Variants in XRRA1 observed in about 807,000 individuals in gnomAD.
The protein encoded by XRRA1 is X-ray radiation resistance-associated protein 1.
Under a neutral mutation model 80.2 loss-of-function variants are expected in XRRA1, and 69 were observed. The ratio of observed to expected loss-of-function variants is 0.86; its 90% CI spans 0.71 to 1.05. The LOEUF is 1.05. XRRA1 is among the 50% of genes least tolerant of loss of function. The pLI, the probability that XRRA1 is intolerant of heterozygous loss-of-function variation, is 0.00. For synonymous variants in XRRA1, 348 were observed against 389.9 expected (o/e 0.89, Z 1.27); for missense variants, 967 against 976.4 (o/e 0.99, Z 0.13).
rs1443443451 is a variant in XRRA1, at chr11:74,940,798, G to A, written c.81C>T (p.Arg27=). 7 of 1,606,084 alleles carry A rather than the reference G, an allele frequency of 4.4e-6. No individual in the cohort carries two copies. In the African/African-American group the frequency reaches 5.3e-5, roughly 12 times the overall value. The change falls in exon 3 of 19, where the codon CGC becomes CGT. Residue 27 remains arginine, a synonymous_variant. Transcript: ENST00000684022. ...AAGTCACCTGACCTTCCTCCGGCAC[G>A]CGAAGCAGATTTCTGGCTGGGAAGC... ...NNCFPARNLL[R]VPEEGQGHWL...
At position 74,844,290 on chromosome 11, in the gene XRRA1, C is replaced by T. The variant is rs1243976006; in HGVS notation, c.1928-7G>A. ...TGTGCATTCTTCTGGATTCCTAGGG[C>T]AAGAAGGCAAGACTGAGTCAAGGCA... On this transcript the variant is annotated splice_polypyrimidine_tract_variant and splice_region_variant and intron_variant, in intron 16 of 18. Coordinates refer to ENST00000684022, the MANE Select transcript of XRRA1 (RefSeq NM_001378157.1). The T allele has an allele frequency of 6.2e-7, 1 of 1,608,890 alleles. No homozygotes were observed. Among genetic ancestry groups the T allele is most frequent in the Non-Finnish European group, 8.5e-7 (1 of 1,177,042 alleles).
chr11:74,869,900 C>A (rs1459568573), intron 10 of XRRA1, among the ~76,000 whole-genome samples: 1 of 152,176 alleles, frequency 6.6e-6, no homozygotes, highest in African/African-American at 2.4e-5. Context: ...CTCTTAACCT[C>A]ACTCTTTGTG....
chr11:74,923,257 G>A (rs1202241031), intron 7 of XRRA1, among the ~76,000 whole-genome samples: 1 of 152,210 alleles, frequency 6.6e-6, no homozygotes, highest in Non-Finnish European at 1.5e-5. Flanking sequence ...ACCATGAATA[G>A]TTTGGGTATG....
intron 2 of XRRA1, among the ~76,000 whole-genome samples, chr11:74,943,534 T>G (rs1333982296): frequency 1.6e-5 from 1 of 62,128 alleles, no homozygotes; most frequent in African/African-American, 3.9e-5. Context: ...GGTGTGTGTG[T>G]GTGTGTGTGT....
At chr11:74,922,478 T>G (rs924140080) in intron 7 of XRRA1, among the ~76,000 whole-genome samples, 2 of 152,220 alleles carry the variant, frequency 1.3e-5, no homozygotes, top group Middle Eastern at 3.4e-3. Context: ...TTGTTCTCCT[T>G]CTCCTAAGCC....
At chr11:74,889,762 T>G (rs957872689) in intron 10 of XRRA1, among the ~76,000 whole-genome samples, 2 of 152,128 alleles carry the variant, frequency 1.3e-5, no homozygotes, top group Non-Finnish European at 1.5e-5. Context: ...TTCTAGTCTC[T>G]GATAAAACAG....
At chr11:74,939,281 G>A (rs1945788150) in intron 3 of XRRA1, among the ~76,000 whole-genome samples, 1 of 152,204 alleles carries the variant, frequency 6.6e-6, no homozygotes, top group Non-Finnish European at 1.5e-5. Context: ...GAACCTGGGA[G>A]GTGAAGGTTG....
chr11:74,846,150 T>C (rs2038080720), intron 15 of XRRA1: 1 of 152,122 alleles, frequency 6.6e-6, no homozygotes, highest in Non-Finnish European at 1.5e-5. Context: ...AGTAGTGGGA[T>C]GGTGCCTGTG....
chr11:74,866,500 C>T (rs113115107), intron 10 of XRRA1, among the ~76,000 whole-genome samples: 77 of 152,242 alleles, frequency 5.1e-4, no homozygotes, highest in African/African-American at 1.8e-3. Flanking sequence ...AAGCAATCTT[C>T]CTACTTCAGC....
intron 10 of XRRA1, among the ~76,000 whole-genome samples, chr11:74,882,114 G>T (rs868569593): frequency 2.6e-5 from 4 of 152,004 alleles, no homozygotes. Flanking sequence ...TTCCAACTTG[G>T]TTCCATTCTC....
At chr11:74,948,084 C>T (rs528075793) in intron 1 of XRRA1, among the ~76,000 whole-genome samples, 1 of 152,168 alleles carries the variant, frequency 6.6e-6, no homozygotes, top group East Asian at 1.9e-4. Flanking sequence ...AGGGATATAT[C>T]CCTGGTGACT....
In XRRA1 at chr11:74,881,267, C is replaced by A. The variant is rs969713892; in HGVS notation, c.1004-18246G>T. On this transcript the variant is annotated intron_variant, in intron 10 of 18. Coordinates refer to ENST00000684022, the MANE Select transcript of XRRA1 (RefSeq NM_001378157.1). ...TTGTTGGTTTAAAGTCTGTTTTATC[C>A]GAGACTAGGATTGCAACCCCTGCCT... Among the ~76,000 whole-genome samples the A allele has an allele frequency of 4.0e-3, 600 of 151,498 alleles. 1 individual carries two copies. Among genetic ancestry groups the A allele is most frequent in the Middle Eastern group, 6.8e-3 (2 of 294 alleles).
At chr11:74,862,100 C>T (rs1305227697) in intron 11 of XRRA1, among the ~76,000 whole-genome samples, 2 of 152,164 alleles carry the variant, frequency 1.3e-5, no homozygotes, top group Non-Finnish European at 2.9e-5. Context: ...TCTCTTGAAA[C>T]CCTGATGCTG....
intron 8 of XRRA1, chr11:74,919,835 G>T: frequency 2.4e-6 from 1 of 415,024 alleles, no homozygotes; most frequent in South Asian, 2.1e-5. Context: ...GTCCCATGCC[G>T]AATCCATGTG....
chr11:74,859,703 T>C (rs866018075), intron 11 of XRRA1, among the ~76,000 whole-genome samples: 1 of 152,042 alleles, frequency 6.6e-6, no homozygotes, highest in Non-Finnish European at 1.5e-5. Flanking sequence ...GGGGAATTTT[T>C]CTAGGGAGGA....
chr11:74,883,351 T>C (rs2136863446), intron 10 of XRRA1, among the ~76,000 whole-genome samples: 1 of 152,304 alleles, frequency 6.6e-6, no homozygotes, highest in South Asian at 2.1e-4. Context: ...AGTGAGGCAA[T>C]GCCTCGCCCT....
intron 8 of XRRA1, among the ~76,000 whole-genome samples, chr11:74,914,294 A>T (rs1006600603): frequency 7.2e-6 from 1 of 138,940 alleles, no homozygotes; most frequent in Admixed American, 7.0e-5. Flanking sequence ...CCCCCTTTTA[A>T]ATTTTAGAAG....
At chr11:74,852,804 A>T (rs1207082089) in intron 12 of XRRA1, among the ~76,000 whole-genome samples, 1 of 152,182 alleles carries the variant, frequency 6.6e-6, no homozygotes, top group Non-Finnish European at 1.5e-5. Context: ...ATTTATTTGC[A>T]ATGGAAGAGT....
chr11:74,910,401 C>A (rs17133538), intron 8 of XRRA1, among the ~76,000 whole-genome samples: 2 of 152,048 alleles, frequency 1.3e-5, no homozygotes, highest in Non-Finnish European at 2.9e-5. Context: ...AGAGAGTAGG[C>A]CTAATGAAAG....
Sources: allele counts gnomAD v4.1 joint callset (sites outside exome capture counted in the v4.1 genomes callset), GRCh38; gene constraint gnomAD v4.1.1; transcripts MANE v1.5; gene names NCBI Gene and HGNC (gene_info 2026-07-23, HGNC 2026-07-21).